Variants in C8orf34 observed in about 807,000 individuals in gnomAD.
The protein encoded by C8orf34 is chromosome 8 open reading frame 34.
Under a neutral mutation model 68.3 loss-of-function variants are expected in C8orf34, and 65 were observed. The observed-to-expected ratio is 0.95, with a 90% CI of 0.78 to 1.17. C8orf34 has a LOEUF of 1.17. Ranked by LOEUF, C8orf34 falls within the 50% of genes most tolerant of loss-of-function variation. The probability of loss-of-function intolerance (pLI) is 0.00; values close to 1 mark genes in which losing one functional copy is unlikely to be tolerated. For missense variants in C8orf34, 664 were observed against 655.4 expected, an observed-to-expected ratio of 1.01 and a Z score of -0.14; for synonymous variants, 244 against 241.2, an observed-to-expected ratio of 1.01 and a Z score of -0.11.
At chr8:68,482,985 A>AT (rs11448778) in intron 4 of C8orf34, among the ~76,000 whole-genome samples, 95,276 of 151,998 alleles carry the variant, frequency 0.63, 30,262 homozygotes, top group East Asian at 0.88. Context: ...TACAATTGGC[A>AT]TTTTTTTCCA....
chr8:68,496,893 A>T (rs564753722), intron 5 of C8orf34, among the ~76,000 whole-genome samples: 1 of 152,208 alleles, frequency 6.6e-6, no homozygotes, highest in Admixed American at 6.5e-5. Context: ...ATTATATGAT[A>T]TTTTGGGCAG....
intron 5 of C8orf34, among the ~76,000 whole-genome samples, chr8:68,515,109 A>G (rs1406898812): frequency 4.6e-5 from 7 of 152,178 alleles, no homozygotes; most frequent in Non-Finnish European, 8.8e-5. Context: ...ATTTCATGCT[A>G]TATATGTACA....
chr8:68,723,105 A>G (rs543801334), intron 10 of C8orf34, among the ~76,000 whole-genome samples: 2 of 152,168 alleles, frequency 1.3e-5, no homozygotes, highest in South Asian at 4.1e-4. Flanking sequence ...TTTTCCTTCT[A>G]CTGTACATCC....
At chr8:68,534,286 G>C in intron 7 of C8orf34, 1 of 985,368 alleles carries the variant, frequency 1.0e-6, no homozygotes, top group Non-Finnish European at 1.2e-6. Context: ...TTCCAATTGG[G>C]TCTTTTCCTC....
chr8:68,751,358 G>A (rs1411645457), intron 10 of C8orf34, among the ~76,000 whole-genome samples: 8 of 152,142 alleles, frequency 5.3e-5, no homozygotes, highest in Admixed American at 2.0e-4. Context: ...ATATTGAAGG[G>A]TGGCATTAGA....
intron 3 of C8orf34, among the ~76,000 whole-genome samples, chr8:68,461,221 T>C (rs1811806743): frequency 6.6e-6 from 1 of 151,808 alleles, no homozygotes; most frequent in East Asian, 1.9e-4. Flanking sequence ...TGAAATGAAG[T>C]GAGAAGGGAA....
intron 8 of C8orf34, among the ~76,000 whole-genome samples, chr8:68,654,271 G>A (rs914055133): frequency 6.6e-6 from 1 of 152,148 alleles, no homozygotes; most frequent in South Asian, 2.1e-4. Context: ...CTACAGAAGT[G>A]TGAGCAATAA....
chr8:68,708,845 A>G, intron 8 of C8orf34, 149 bp from the exon 9 acceptor site: 1 of 663,968 alleles, frequency 1.5e-6, no homozygotes. Context: ...CTATATTAAA[A>G]TGGCTTTAGT....
intron 5 of C8orf34, among the ~76,000 whole-genome samples, chr8:68,513,078 G>A (rs115442686): frequency 0.037 from 5,697 of 152,174 alleles, 359 homozygotes; most frequent in African/African-American, 0.13. Context: ...AAAACACTTA[G>A]CAAACCTTTC....
chr8:68,753,860 T>C (rs929756295), intron 10 of C8orf34, among the ~76,000 whole-genome samples: 1 of 152,194 alleles, frequency 6.6e-6, no homozygotes, highest in African/African-American at 2.4e-5. Context: ...CTGTCATGCA[T>C]GGCCCCTGCA....
intron 1 of C8orf34, among the ~76,000 whole-genome samples, chr8:68,342,192 A>G (rs548952073): frequency 1.3e-5 from 2 of 152,332 alleles, no homozygotes; most frequent in African/African-American, 2.4e-5. Context: ...CATAAACATA[A>G]TATTTGTCAA....
chr8:68,814,266 A>T (rs1824742236), intron 12 of C8orf34, among the ~76,000 whole-genome samples: 1 of 152,118 alleles, frequency 6.6e-6, no homozygotes, highest in South Asian at 2.1e-4. Context: ...TGAATCAGAA[A>T]CTCTGATGTT....
At chr8:68,814,719 T>C (rs575246526) in intron 12 of C8orf34, among the ~76,000 whole-genome samples, 1 of 152,306 alleles carries the variant, frequency 6.6e-6, no homozygotes, top group South Asian at 2.1e-4. Context: ...TAAACTCAGT[T>C]CTAGCTTAAT....
intron 1 of C8orf34, among the ~76,000 whole-genome samples, chr8:68,354,148 A>G (rs1806642892): frequency 6.6e-6 from 1 of 152,048 alleles, no homozygotes; most frequent in Non-Finnish European, 1.5e-5. Flanking sequence ...AATGTTTTAT[A>G]ATATTTATAT....
chr8:68,553,696 T>G (rs1816160284), intron 7 of C8orf34, among the ~76,000 whole-genome samples: 1 of 152,136 alleles, frequency 6.6e-6, no homozygotes, highest in Non-Finnish European at 1.5e-5. Flanking sequence ...TAGCCCCCTT[T>G]TTTATTTCTG....
intron 7 of C8orf34, among the ~76,000 whole-genome samples, chr8:68,586,150 T>C (rs1220805631): frequency 6.6e-6 from 1 of 152,144 alleles, no homozygotes; most frequent in East Asian, 1.9e-4. Flanking sequence ...CTGGCTTTGA[T>C]TACACACCTT....
At chr8:68,519,015 C>T (rs538300144) in intron 5 of C8orf34, among the ~76,000 whole-genome samples, 3 of 151,370 alleles carry the variant, frequency 2.0e-5, no homozygotes, top group African/African-American at 4.9e-5. Context: ...ATACATTGTA[C>T]GATGATAAAA....
rs577430870 is a variant in C8orf34 at position 68,812,875 on chromosome 8, C to T, written c.1550-3011C>T. ...TAACCTCTAGAAACACAGATACATG[C>T]GTGTAATAAGTGGTTTGTTGATATC... On this transcript the variant is annotated intron_variant, in intron 12 of 13. Coordinates refer to ENST00000518698, the MANE Select transcript of C8orf34 (RefSeq NM_052958.4). 5.3e-4 allele frequency among the ~76,000 whole-genome samples: 80 copies of T among 152,182 alleles called. 1 individual carries two copies. The highest frequency in any genetic ancestry group is 3.5e-3 in the South Asian group (17 of 4,816).
intron 10 of C8orf34, among the ~76,000 whole-genome samples, chr8:68,742,006 C>G (rs1009564705): frequency 3.3e-5 from 5 of 152,168 alleles, no homozygotes; most frequent in African/African-American, 1.2e-4. Flanking sequence ...TCTACCATAC[C>G]TTCCACCCAA....
Sources: allele counts gnomAD v4.1 joint callset (sites outside exome capture counted in the v4.1 genomes callset), GRCh38; gene constraint gnomAD v4.1.1; transcripts MANE v1.5; gene names NCBI Gene and HGNC (gene_info 2026-07-23, HGNC 2026-07-21).